FNDC1: variants seen among roughly 807,000 people sequenced by gnomAD.
FNDC1 encodes the protein fibronectin type III domain containing 1, also known as fibronectin type III domain-containing protein 1.
FNDC1 carries 96 observed loss-of-function variants against 168.0 expected under a neutral mutation model. That is an observed-to-expected ratio of 0.57 (90% CI 0.48 to 0.68). The LOEUF is 0.68. Ranked by LOEUF, FNDC1 falls within the 30% of genes least tolerant of loss-of-function variation. The probability of loss-of-function intolerance (pLI) is 0.00; values close to 1 mark genes in which losing one functional copy is unlikely to be tolerated. For missense variants in FNDC1, 2,587 were observed against 2,482.1 expected (o/e 1.04, Z -0.90); for synonymous variants, 1,099 against 1,025.9 (o/e 1.07, Z -1.36).
intron 19 of FNDC1, among the ~76,000 whole-genome samples, chr6:159,262,233 C>A (rs1295246980): frequency 6.6e-6 from 1 of 152,198 alleles, no homozygotes; most frequent in East Asian, 1.9e-4. Context: ...CCCAGCTGAG[C>A]CAGCCCTGCA....
At chr6:159,228,385 A>G (rs1275680792) in intron 9 of FNDC1, among the ~76,000 whole-genome samples, 1 of 152,186 alleles carries the variant, frequency 6.6e-6, no homozygotes, top group South Asian at 2.1e-4. Context: ...TTCCAGATGG[A>G]TTTAATTTAT....
rs2115000011 is a variant in FNDC1 at position 159,239,021 on chromosome 6, A to G, written c.4180+356A>G. Among the ~76,000 whole-genome samples, 2 of 152,340 alleles carry G rather than the reference A, an allele frequency of 1.3e-5. 1 individual carries two copies. The highest frequency in any genetic ancestry group is 4.1e-4 in the South Asian group (2 of 4,828). ...CATTTTTAAATGATTGCCAGAAAAA[A>G]GAATATTTTGTGGCATGGTAATTAC... is the stretch of plus-strand genomic sequence containing the variant. On this transcript the variant is annotated intron_variant, in intron 13 of 22. Coordinates refer to ENST00000297267, the MANE Select transcript of FNDC1 (RefSeq NM_032532.3).
intron 20 of FNDC1, among the ~76,000 whole-genome samples, chr6:159,265,830 C>A (rs425916): frequency 0.64 from 96,568 of 151,956 alleles, 32,170 homozygotes; most frequent in Middle Eastern, 0.75. Context: ...CAGGAGGCTG[C>A]GGCAGGATAA....
chr6:159,209,137 A>T (rs1583872586), intron 4 of FNDC1, among the ~76,000 whole-genome samples: 2 of 152,202 alleles, frequency 1.3e-5, no homozygotes, highest in Admixed American at 1.3e-4. Context: ...GTGAGCCACC[A>T]TGCCCAGGCT....
At chr6:159,225,375 C>T (rs979328868) in intron 7 of FNDC1, among the ~76,000 whole-genome samples, 160 bp from the exon 8 acceptor site, 6 of 152,088 alleles carry the variant, frequency 3.9e-5, no homozygotes, top group Non-Finnish European at 7.4e-5. Flanking sequence ...TTGCTTGGAA[C>T]TTTGAGCCAA....
chr6:159,218,597 T>A (rs1162519268), intron 5 of FNDC1: 41 of 152,136 alleles, frequency 2.7e-4, no homozygotes, highest in Admixed American at 2.7e-3. Flanking sequence ...ACAGAACCCT[T>A]GGTACTACAG....
rs199655383 is a variant in FNDC1 at position 159,246,981 on chromosome 6, C to G, written c.4690+12C>G. On this transcript the variant is annotated intron_variant, in intron 15 of 22. Transcript: ENST00000297267. ...TATATATGATGAAGGTACAAACTGG[C>G]TTTTGAAAAATTATTTGCACACTTT... is the stretch of plus-strand genomic sequence containing the variant. 3 of 1,579,894 alleles carry G rather than the reference C, an allele frequency of 1.9e-6. No homozygotes were observed. The highest frequency in any genetic ancestry group is 2.6e-6 in the Non-Finnish European group (3 of 1,148,780).
At chr6:159,215,504 G>A (rs1446168090) in intron 5 of FNDC1, among the ~76,000 whole-genome samples, 1 of 152,194 alleles carries the variant, frequency 6.6e-6, no homozygotes, top group Non-Finnish European at 1.5e-5. Context: ...TAGAATCCTA[G>A]GACACTGGGC....
chr6:159,269,491 T>TATCCATCCATCCATGCATCC (rs1562316048), intron 22 of FNDC1, among the ~76,000 whole-genome samples: 28 of 50,050 alleles, frequency 5.6e-4, no homozygotes, highest in African/African-American at 1.3e-3. Context: ...TCTATCTATC[T>TATCCATCCATCCATGCATCC]ATCTATCTAT....
chr6:159,269,503 C>CATCT (rs1562316111), intron 22 of FNDC1, among the ~76,000 whole-genome samples: 41 of 108,360 alleles, frequency 3.8e-4, no homozygotes, highest in African/African-American at 5.0e-4. Flanking sequence ...TCTATCTATC[C>CATCT]ATCCATCCAT....
chr6:159,232,729 A>T lies in FNDC1; in HGVS notation c.2217A>T (p.Pro739=), dbSNP rs771214174. Residue 739 remains proline, a synonymous_variant, in exon 11 of 23, where the codon CCA becomes CCT. Transcript: ENST00000297267. This position sits in a 1 kb window ranked among gnomAD's most constrained non-coding sequence, Gnocchi z 4.9. ...CCACCCAGCCACACCTGAGCTCTCC[A>T]CTTTCCAAGGGCGGGAAGGATGGTG... is the stretch of plus-strand genomic sequence containing the variant. ...LLPTQPHLSS[P]LSKGGKDGED... is the part of the protein sequence containing the mutation. 1 of 1,613,600 alleles carries T rather than the reference A, an allele frequency of 6.2e-7. No homozygotes were observed. The highest frequency in any genetic ancestry group is 1.7e-5 in the Admixed American group (1 of 59,992).
chr6:159,193,631 C>T (rs558554772), intron 1 of FNDC1, among the ~76,000 whole-genome samples: 7 of 152,240 alleles, frequency 4.6e-5, no homozygotes, highest in South Asian at 2.1e-4. Context: ...TCAGCAACCC[C>T]GGGGAATCTC....
At chr6:159,260,082 A>G (rs1246665570) in intron 18 of FNDC1, among the ~76,000 whole-genome samples, 4 of 152,376 alleles carry the variant, frequency 2.6e-5, no homozygotes, top group African/African-American at 9.6e-5. Context: ...TTAATCAAAT[A>G]AAGAATTTTA....
intron 1 of FNDC1, among the ~76,000 whole-genome samples, chr6:159,180,107 C>T (rs1781849359): frequency 6.6e-6 from 1 of 152,176 alleles, no homozygotes; most frequent in African/African-American, 2.4e-5. Context: ...TATCTTGCAG[C>T]TCCGGAGCTG....
At chr6:159,256,483 T>C in intron 17 of FNDC1, 40 bp from the exon 18 acceptor site, 3 of 1,449,006 alleles carry the variant, frequency 2.1e-6, no homozygotes, top group Non-Finnish European at 2.9e-6. Flanking sequence ...GTGACTTGGT[T>C]CCTTGGTGTC....
intron 20 of FNDC1, 144 bp from the exon 21 acceptor site, chr6:159,265,940 A>AAAC (rs1048918549): frequency 6.7e-6 from 6 of 893,088 alleles, no homozygotes; most frequent in Admixed American, 3.3e-5. Context: ...ACAAACAAAC[A>AAAC]AACAACAACA....
chr6:159,169,633 C>G lies in FNDC1; in HGVS notation c.37C>G (p.Arg13Gly). The G allele has an allele frequency of 1.7e-6, 2 of 1,146,028 alleles. No homozygotes were observed. Among genetic ancestry groups the G allele is most frequent in the South Asian group, 8.0e-5 (2 of 25,008 alleles). 71.0% of individuals were successfully genotyped at this position (1,146,028 alleles called of 1,614,324 possible). Reference sequence around the variant, plus strand: ...GGCCGGGGCGACCCTGCGCGCGCCGCGCCGGCTGTCCTGGGCGGCGCTGCT... The same window carrying G: ...GGCCGGGGCGACCCTGCGCGCGCCGGGCCGGCTGTCCTGGGCGGCGCTGCT... ...PEAGATLRAP[R>G]RLSWAALLLL... Residue 13 changes from arginine (R) to glycine (G), a missense_variant, in exon 1 of 23, where the codon CGC (arginine) becomes GGC (glycine). Transcript: ENST00000297267. The surrounding 1 kb of genome is among the most constrained non-coding windows in gnomAD (Gnocchi z 6.8).
At chr6:159,175,639 G>C (rs944771703) in intron 1 of FNDC1, among the ~76,000 whole-genome samples, 1 of 152,232 alleles carries the variant, frequency 6.6e-6, no homozygotes, top group Non-Finnish European at 1.5e-5. Context: ...TGTAGCCTCT[G>C]TTACAAGATG....
In FNDC1 at chr6:159,269,238, TATCTATCTATCCATCTATC is replaced by T. The variant is rs1562315682; in HGVS notation, c.5569+1324_5569+1342del. On this transcript the variant is annotated intron_variant, in intron 22 of 22. Coordinates refer to ENST00000297267, the MANE Select transcript of FNDC1 (RefSeq NM_032532.3). ...CTATCTATCTATCTATCTATCTATCTATCTATCTATCCATCTATCATCTATCTATCTATCTATCTATCTA... is the reference window on the plus strand; with the variant it reads ...CTATCTATCTATCTATCTATCTATCTATCTATCTATCTATCTATCTATCTA... 1.8e-3 allele frequency among the ~76,000 whole-genome samples: 225 copies of T among 123,754 alleles called. 4 individuals are homozygous for T. The highest frequency in any genetic ancestry group is 7.8e-3 in the African/African-American group (217 of 27,660). 81.2% of individuals were successfully genotyped at this position (123,754 alleles called of 152,430 possible).
Sources: allele counts gnomAD v4.1 joint callset (sites outside exome capture counted in the v4.1 genomes callset), GRCh38; gene constraint gnomAD v4.1.1; non-coding constraint Gnocchi (gnomAD v3.1); transcripts MANE v1.5; gene names NCBI Gene and HGNC (gene_info 2026-07-23, HGNC 2026-07-21).